Variants in FBXW7 observed in about 807,000 individuals in gnomAD.
The protein encoded by FBXW7 is F-box and WD repeat domain containing 7, also known as F-box/WD repeat-containing protein 7.
Under a neutral mutation model 86.3 loss-of-function variants are expected in FBXW7, and 11 were observed. The observed-to-expected ratio is 0.13, with a 90% CI of 0.08 to 0.21. The LOEUF (loss-of-function observed/expected upper bound fraction) is 0.21, where lower values mean the gene tolerates loss of function less well. Among genes scored for constraint, FBXW7 ranks in the 10% least tolerant of loss-of-function variants. The pLI, the probability that FBXW7 is intolerant of heterozygous loss-of-function variation, is 1.00. For missense variants in FBXW7, 488 were observed against 847.4 expected (o/e 0.58, Z 5.27); for synonymous variants, 313 against 297.9 (o/e 1.05, Z -0.52).
chr4:152,413,760 T>C (rs1469952154), intron 2 of FBXW7, among the ~76,000 whole-genome samples: 1 of 152,168 alleles, frequency 6.6e-6, no homozygotes, highest in Non-Finnish European at 1.5e-5. Context: ...TAGAATAATG[T>C]CTCTTTCAAG....
intron 4 of FBXW7, among the ~76,000 whole-genome samples, chr4:152,362,433 T>C (rs1290769903): frequency 6.6e-6 from 1 of 152,156 alleles, no homozygotes; most frequent in African/African-American, 2.4e-5. Flanking sequence ...CATGAGATGA[T>C]AAAGAAGACA....
At chr4:152,523,338 A>G (rs1749190615) in intron 2 of FBXW7, among the ~76,000 whole-genome samples, 1 of 152,250 alleles carries the variant, frequency 6.6e-6, no homozygotes, top group Non-Finnish European at 1.5e-5. Flanking sequence ...AAATAAGCAA[A>G]TTAAATGTAT....
intron 4 of FBXW7, among the ~76,000 whole-genome samples, chr4:152,376,305 AC>A (rs1349044444): frequency 6.6e-6 from 1 of 152,070 alleles, no homozygotes; most frequent in East Asian, 1.9e-4. Context: ...AATTTGCTTT[AC>A]CAACAGAGCT....
intron 2 of FBXW7, among the ~76,000 whole-genome samples, chr4:152,451,319 A>C (rs1042862704): frequency 2.0e-5 from 3 of 152,202 alleles, no homozygotes. Context: ...AATATTTAAC[A>C]ATCCATTTCT....
intron 2 of FBXW7, among the ~76,000 whole-genome samples, chr4:152,531,483 C>T (rs1750019410): frequency 6.6e-6 from 1 of 151,576 alleles, no homozygotes. Context: ...ATCCTTAATC[C>T]TGTTAAAGTC....
intron 2 of FBXW7, among the ~76,000 whole-genome samples, chr4:152,483,611 T>C (rs780324566): frequency 2.0e-5 from 3 of 152,068 alleles, no homozygotes; most frequent in Non-Finnish European, 2.9e-5. Context: ...GGTGGGAAGA[T>C]TGCTTGAGCC....
chr4:152,529,242 A>T (rs751331737), intron 2 of FBXW7, among the ~76,000 whole-genome samples: 29 of 152,184 alleles, frequency 1.9e-4, no homozygotes, highest in Non-Finnish European at 3.7e-4. Context: ...GACAAAAATT[A>T]AAAGATTTTT....
chr4:152,516,640 A>T (rs1748522454), intron 2 of FBXW7, among the ~76,000 whole-genome samples: 1 of 152,174 alleles, frequency 6.6e-6, no homozygotes, highest in Non-Finnish European at 1.5e-5. Context: ...CAATTTCTAA[A>T]ACTTCACATT....
At chr4:152,504,105 T>C (rs1747198268) in intron 2 of FBXW7, among the ~76,000 whole-genome samples, 1 of 152,202 alleles carries the variant, frequency 6.6e-6, no homozygotes, top group African/African-American at 2.4e-5. Context: ...AGTATTCTTT[T>C]GTTTCCTCAC....
chr4:152,501,091 T>C (rs973676111), intron 2 of FBXW7, among the ~76,000 whole-genome samples: 1 of 152,232 alleles, frequency 6.6e-6, no homozygotes, highest in Non-Finnish European at 1.5e-5. Flanking sequence ...AGACAAGCTT[T>C]AGCAAGTTTC....
chr4:152,370,454 C>T (rs1420234833), intron 4 of FBXW7, among the ~76,000 whole-genome samples: 1 of 151,838 alleles, frequency 6.6e-6, no homozygotes, highest in Non-Finnish European at 1.5e-5. Flanking sequence ...GTGGGGAGTG[C>T]TACCTTTACT....
Position 152,407,590 on chromosome 4 carries a change from T to C in FBXW7, c.501+3713A>G, listed in dbSNP as rs200185051. On this transcript the variant is annotated intron_variant, in intron 4 of 13. Coordinates refer to ENST00000281708, the MANE Select transcript of FBXW7 (RefSeq NM_001349798.2). ...CAGCAGCTCTGGTCCTAGGAGGTGGTTGGAGAATGGCGGACCAGATACCCT... is the reference window on the plus strand; with the variant it reads ...CAGCAGCTCTGGTCCTAGGAGGTGGCTGGAGAATGGCGGACCAGATACCCT... Among the ~76,000 whole-genome samples, 24 of 152,292 alleles carry C rather than the reference T, an allele frequency of 1.6e-4. No homozygotes were observed. The East Asian group carries it at 3.3e-3, about 21-fold the overall frequency.
intron 2 of FBXW7, among the ~76,000 whole-genome samples, chr4:152,532,741 C>T (rs994124539): frequency 2.0e-5 from 3 of 152,080 alleles, no homozygotes; most frequent in Admixed American, 6.6e-5. Flanking sequence ...ACATCCAGTG[C>T]GGTCTTAGAT....
At chr4:152,382,779 T>G (rs539356459) in intron 4 of FBXW7, among the ~76,000 whole-genome samples, 1 of 152,312 alleles carries the variant, frequency 6.6e-6, no homozygotes, top group African/African-American at 2.4e-5. Flanking sequence ...TGAGTATCTA[T>G]TAAGTCTTCC....
intron 2 of FBXW7, among the ~76,000 whole-genome samples, chr4:152,483,776 T>C (rs1448948981): frequency 6.6e-6 from 1 of 151,976 alleles, no homozygotes; most frequent in African/African-American, 2.4e-5. Flanking sequence ...TGCATGTGTA[T>C]ACAATTTCCT....
chr4:152,333,197 CA>C (rs1447110286), intron 7 of FBXW7, among the ~76,000 whole-genome samples: 1 of 152,078 alleles, frequency 6.6e-6, no homozygotes, highest in Non-Finnish European at 1.5e-5. Context: ...GTCTTCAAAT[CA>C]AAGTGTTTAT....
intron 4 of FBXW7, among the ~76,000 whole-genome samples, chr4:152,371,688 T>C (rs1262382861): frequency 6.6e-6 from 1 of 152,046 alleles, no homozygotes; most frequent in African/African-American, 2.4e-5. Context: ...AACTGCCTCT[T>C]GCCTTGGAGG....
At position 152,398,856 on chromosome 4, in the gene FBXW7, C is replaced by T. The variant is rs1259824956; in HGVS notation, c.501+12447G>A. ...GACCCACAAGCAGAAAAGAATCTCA[C>T]TAATAAGATTGATAAAATTGTAACC... On this transcript the variant is annotated intron_variant, in intron 4 of 13. Coordinates refer to ENST00000281708, the MANE Select transcript of FBXW7 (RefSeq NM_001349798.2). Among the ~76,000 whole-genome samples, 6 of 152,010 alleles carry T rather than the reference C, an allele frequency of 3.9e-5. No individual in the cohort carries two copies. The East Asian group carries it at 9.6e-4, about 24-fold the overall frequency.
At chr4:152,353,938 G>A (rs886222908) in intron 4 of FBXW7, among the ~76,000 whole-genome samples, 2 of 152,000 alleles carry the variant, frequency 1.3e-5, no homozygotes, top group South Asian at 2.1e-4. Flanking sequence ...ACCACTATTC[G>A]AAGTAAGTTT....
Sources: gnomAD v4.1 joint callset for allele counts (sites outside exome capture counted in the v4.1 genomes callset) on GRCh38, gnomAD v4.1.1 for gene constraint, MANE v1.5 for transcripts, NCBI Gene and HGNC (gene_info 2026-07-23, HGNC 2026-07-21) for gene names.